Variants in WWOX observed in about 807,000 individuals in gnomAD.
WWOX encodes the protein WW domain-containing oxidoreductase.
A neutral mutation model predicts 46.2 loss-of-function variants in WWOX; 69 were observed. The observed-to-expected ratio is 1.49, with a 90% confidence interval of 1.23 to 1.82. The LOEUF (loss-of-function observed/expected upper bound fraction) is 1.82. Ranked by LOEUF, WWOX falls within the 40% of genes most tolerant of loss-of-function variation. The probability of loss-of-function intolerance (pLI) is 0.00; values close to 1 mark genes in which losing one functional copy is unlikely to be tolerated. For synonymous variants in WWOX, 359 were observed against 202.6 expected (o/e 1.77, Z -6.56); for missense variants, 919 against 542.6 (o/e 1.69, Z -6.89).
intron 8 of WWOX, among the ~76,000 whole-genome samples, chr16:78,517,544 A>G (rs1023194400): frequency 6.6e-6 from 1 of 152,220 alleles, no homozygotes; most frequent in African/African-American, 2.4e-5. Context: ...AACAGGGGAT[A>G]CAAATGGATT....
chr16:78,537,220 GTCAAGTATT>G, intron 8 of WWOX, among the ~76,000 whole-genome samples: 1 of 152,166 alleles, frequency 6.6e-6, no homozygotes, highest in Admixed American at 6.5e-5. Flanking sequence ...CCCAGCCAGA[GTCAAGTATT>G]TCAAGTATTA....
chr16:78,811,471 C>G (rs936762183), intron 8 of WWOX, among the ~76,000 whole-genome samples: 15 of 151,998 alleles, frequency 9.9e-5, no homozygotes, highest in African/African-American at 3.1e-4. Flanking sequence ...TTTCTCCTCT[C>G]CTGTCCTTTC....
At chr16:78,874,894 GCT>G (rs2044204718) in intron 8 of WWOX, among the ~76,000 whole-genome samples, 2 of 151,988 alleles carry the variant, frequency 1.3e-5, no homozygotes, top group African/African-American at 4.8e-5. Context: ...AGGCCCAAGA[GCT>G]CCCCTTCAAG....
At chr16:78,774,567 C>T (rs1463615664) in intron 8 of WWOX, among the ~76,000 whole-genome samples, 1 of 151,562 alleles carries the variant, frequency 6.6e-6, no homozygotes, top group African/African-American at 2.4e-5. Context: ...TACGTGTCCC[C>T]CTCCCCCCCC....
chr16:78,634,555 A>C (rs1385887905), intron 8 of WWOX, among the ~76,000 whole-genome samples: 1 of 151,920 alleles, frequency 6.6e-6, no homozygotes. Flanking sequence ...AAAATACAAA[A>C]ATTAGCTGGG....
At chr16:78,881,073 C>G (rs1005418521) in intron 8 of WWOX, among the ~76,000 whole-genome samples, 19 of 149,054 alleles carry the variant, frequency 1.3e-4, no homozygotes, top group African/African-American at 4.5e-4. Flanking sequence ...CTCACTGCAA[C>G]CTTTGCCTCC....
At chr16:78,384,706 A>G (rs2082023834) in intron 5 of WWOX, among the ~76,000 whole-genome samples, 1 of 152,098 alleles carries the variant, frequency 6.6e-6, no homozygotes, top group Admixed American at 6.5e-5. Flanking sequence ...TCGTTCCAAA[A>G]TCTGCACACT....
chr16:78,671,232 G>T (rs778497880), intron 8 of WWOX, among the ~76,000 whole-genome samples: 1 of 152,196 alleles, frequency 6.6e-6, no homozygotes, highest in East Asian at 1.9e-4. Flanking sequence ...AGACCAGCCT[G>T]GGCAACAAGG....
At chr16:78,393,716 A>G (rs1444944941) in intron 6 of WWOX, among the ~76,000 whole-genome samples, 6 of 152,158 alleles carry the variant, frequency 3.9e-5, no homozygotes, top group Non-Finnish European at 1.5e-5. Context: ...AAGTCCAAAC[A>G]TTTTTAGAAC....
chr16:78,422,713 A>ACACACACACATATATATATATACG (rs2082967398), intron 6 of WWOX, among the ~76,000 whole-genome samples: 1 of 122,174 alleles, frequency 8.2e-6, no homozygotes, highest in Non-Finnish European at 1.7e-5. Context: ...ATATATATAC[A>ACACACACACATATATATATATACG]CACACACATA....
At chr16:78,996,100 C>A in intron 8 of WWOX, 2 of 601,788 alleles carry the variant, frequency 3.3e-6, no homozygotes, top group Non-Finnish European at 4.2e-6. Context: ...GAAATCAGAA[C>A]GTGGCCCCTT....
At chr16:78,674,288 T>TG (rs2142212447) in intron 8 of WWOX, among the ~76,000 whole-genome samples, 1 of 151,154 alleles carries the variant, frequency 6.6e-6, no homozygotes, top group Non-Finnish European at 1.5e-5. Flanking sequence ...CTTTTTTTTT[T>TG]TTTTTTCTTT....
At position 78,472,645 on chromosome 16, in the gene WWOX, C is replaced by CGG. The variant is rs1597133699; in HGVS notation, c.1056+39893_1056+39894insGG. Among the ~76,000 whole-genome samples the CGG allele has an allele frequency of 2.6e-5, 4 of 151,748 alleles. No homozygotes were observed. The East Asian group carries it at 7.8e-4, about 30-fold the overall frequency. On this transcript the variant is annotated intron_variant, in intron 8 of 8. Coordinates refer to ENST00000566780, the MANE Select transcript of WWOX (RefSeq NM_016373.4). Reference sequence around the variant, plus strand: ...CCAACATGTTGAAACCGTTTCTCTACTGAAAATACAAAAATTAGCCAGGAA... The same window carrying CGG: ...CCAACATGTTGAAACCGTTTCTCTACGGTGAAAATACAAAAATTAGCCAGGAA...
At position 78,618,760 on chromosome 16, in the gene WWOX, C is replaced by T. The variant is rs144609349; in HGVS notation, c.1056+186008C>T. Among the ~76,000 whole-genome samples, 244 of 151,970 alleles carry T rather than the reference C, an allele frequency of 1.6e-3. 2 individuals carry two copies. Among genetic ancestry groups the T allele is most frequent in the African/African-American group, 5.8e-3 (240 of 41,464 alleles). ...TGAGAGAATTCCCCACTGTCTTCCCCACCTGAGACCTGAGAGGAGGAGAAG... is the reference window on the plus strand; with the variant it reads ...TGAGAGAATTCCCCACTGTCTTCCCTACCTGAGACCTGAGAGGAGGAGAAG... On this transcript the variant is annotated intron_variant, in intron 8 of 8. Coordinates refer to ENST00000566780, the MANE Select transcript of WWOX (RefSeq NM_016373.4).
intron 8 of WWOX, among the ~76,000 whole-genome samples, chr16:78,871,979 A>G (rs17633044): frequency 0.16 from 25,030 of 152,202 alleles, 2,192 homozygotes; most frequent in Non-Finnish European, 0.19. Flanking sequence ...GTGGCCTTGC[A>G]GACCCTCTCA....
At chr16:78,827,010 C>T (rs182111246) in intron 8 of WWOX, among the ~76,000 whole-genome samples, 3 of 152,276 alleles carry the variant, frequency 2.0e-5, no homozygotes, top group South Asian at 2.1e-4. Context: ...ATTTCCTCCC[C>T]GTGTCGCTTT....
chr16:78,903,327 C>T (rs1273278460), intron 8 of WWOX, among the ~76,000 whole-genome samples: 1 of 152,106 alleles, frequency 6.6e-6, no homozygotes, highest in Non-Finnish European at 1.5e-5. Context: ...TTTTGGAAAG[C>T]AACCAATCAG....
chr16:78,825,668 C>T, intron 8 of WWOX: 1 of 526,014 alleles, frequency 1.9e-6, no homozygotes, highest in South Asian at 1.7e-5. Context: ...ATAGGGGGGC[C>T]ATAGGCTGCC....
Position 78,773,056 on chromosome 16 carries a change from GAAAC to G in WWOX, c.1056+340320_1056+340323del, listed in dbSNP as rs897328092. Among the ~76,000 whole-genome samples, 426 of 152,140 alleles carry G rather than the reference GAAAC, an allele frequency of 2.8e-3. 1 individual carries two copies. The highest frequency in any genetic ancestry group is 8.5e-3 in the African/African-American group (351 of 41,516). The stretch of plus-strand genomic sequence containing the variant: ...TCCAAAGCAAAACAAACAAACAAAA[GAAAC>G]AAACAAACAAACAAAAAGAAATTAG... On this transcript the variant is annotated intron_variant, in intron 8 of 8. Transcript: ENST00000566780.
Sources: allele counts gnomAD v4.1 joint callset (sites outside exome capture counted in the v4.1 genomes callset), GRCh38; gene constraint gnomAD v4.1.1; transcripts MANE v1.5; gene names NCBI Gene and HGNC (gene_info 2026-07-23, HGNC 2026-07-21).